The following EYA1 variants were observed in gnomAD, a reference collection of about 807,000 sequenced individuals.
EYA1 encodes protein phosphatase EYA1.
Under a neutral mutation model 82.0 loss-of-function variants are expected in EYA1, and 16 were observed. The ratio of observed to expected loss-of-function variants is 0.20; its 90% CI spans 0.13 to 0.30. The LOEUF is 0.30. Among genes scored for constraint, EYA1 ranks in the 10% least tolerant of loss-of-function variants. The pLI is 1.00. For missense variants in EYA1, 633 were observed against 730.7 expected (o/e 0.87, Z 1.54); for synonymous variants, 261 against 264.4 (o/e 0.99, Z 0.12).
At chr8:71,225,373 C>T (rs1334260351) in intron 12 of EYA1, 2 of 455,418 alleles carry the variant, frequency 4.4e-6, no homozygotes, top group African/African-American at 4.0e-5. Context: ...ACCCTGTCAT[C>T]TCTGTCTAGG....
chr8:71,254,243 CA>C (rs56047377), intron 11 of EYA1, among the ~76,000 whole-genome samples: 13,819 of 52,960 alleles, frequency 0.26, 392 homozygotes, highest in African/African-American at 0.3. Context: ...AAGTCTTGGC[CA>C]AAAAAAAAAA....
intron 2 of EYA1, among the ~76,000 whole-genome samples, chr8:71,452,448 T>C (rs1807468834): frequency 6.6e-6 from 1 of 152,288 alleles, no homozygotes; most frequent in African/African-American, 2.4e-5. Context: ...GAGTTTGAGA[T>C]CTGAGAATGG....
chr8:71,271,796 T>A lies in EYA1; in HGVS notation c.928A>T (p.Asn310Tyr). 2 of 1,614,192 alleles carry A rather than the reference T, an allele frequency of 1.2e-6. No homozygotes were observed. The highest frequency in any genetic ancestry group is 1.7e-6 in the Non-Finnish European group (2 of 1,180,032). ...DGKSRGRGRR[N>Y]NNPSPPPDSD... ...TCTGGGGGAGGTGAAGGATTATTGT[T>A]TCTTCGGCCCCGTCCACGTGATTTC... is the stretch of plus-strand genomic sequence containing the variant. The change falls in exon 10 of 18, where the codon AAC becomes TAC. Residue 310 changes from asparagine (N) to tyrosine (Y), a missense_variant. Asn to Tyr is a moderately radical substitution (Grantham distance 143). Transcript: ENST00000340726.
intron 2 of EYA1, among the ~76,000 whole-genome samples, chr8:71,421,545 A>G (rs1008432378): frequency 1.3e-5 from 2 of 152,186 alleles, no homozygotes; most frequent in African/African-American, 4.8e-5. Context: ...TTCAAAACTT[A>G]CATCTGTCAC....
At chr8:71,492,236 G>A (rs191227895) in intron 2 of EYA1, among the ~76,000 whole-genome samples, 9 of 152,306 alleles carry the variant, frequency 5.9e-5, no homozygotes, top group African/African-American at 2.2e-4. Flanking sequence ...GGAGTGGCGC[G>A]TCTGAAGGGC....
intron 9 of EYA1, among the ~76,000 whole-genome samples, chr8:71,292,039 A>T (rs994893106): frequency 6.6e-6 from 1 of 152,286 alleles, no homozygotes; most frequent in East Asian, 1.9e-4. Context: ...GATTATACAC[A>T]TGAATCATAT....
chr8:71,223,284 C>G (rs1307134466), intron 12 of EYA1, among the ~76,000 whole-genome samples: 1 of 152,136 alleles, frequency 6.6e-6, no homozygotes, highest in Admixed American at 6.5e-5. Context: ...CGGTGTTGTG[C>G]CCACAGTTAC....
At chr8:71,342,823 G>T (rs1028324745) in intron 3 of EYA1, among the ~76,000 whole-genome samples, 3 of 152,122 alleles carry the variant, frequency 2.0e-5, no homozygotes, top group Non-Finnish European at 4.4e-5. Context: ...AATTTATTTG[G>T]TATATTACCT....
rs181161161 is a variant in EYA1 at position 71,454,037 on chromosome 8, A to C, written c.33+81707T>G. Among the ~76,000 whole-genome samples, 250 of 152,328 alleles carry C rather than the reference A, an allele frequency of 1.6e-3. 2 individuals are homozygous for C. The highest frequency in any genetic ancestry group is 5.8e-3 in the African/African-American group (240 of 41,574). ...TATTCAGGAAACCCATCTCACATGC[A>C]GAGACACACATAGGCTCAAAATAAA... On this transcript the variant is annotated intron_variant, in intron 2 of 18. Coordinates refer to the EYA1 transcript ENST00000643681.
chr8:71,298,901 C>A, intron 9 of EYA1, 146 bp downstream of exon 9: 1 of 684,274 alleles, frequency 1.5e-6, no homozygotes, highest in Non-Finnish European at 2.6e-6. Context: ...AAAATGAATG[C>A]CACAGTCATG....
chr8:71,460,408 G>C (rs940072394), intron 2 of EYA1, among the ~76,000 whole-genome samples: 10 of 152,174 alleles, frequency 6.6e-5, no homozygotes, highest in African/African-American at 2.2e-4. Context: ...ATACTATAAA[G>C]GAGAAGAGAG....
intron 7 of EYA1, among the ~76,000 whole-genome samples, chr8:71,313,284 C>CT (rs1821555451): frequency 6.6e-6 from 1 of 152,036 alleles, no homozygotes; most frequent in Non-Finnish European, 1.5e-5. Context: ...CATCTGGCTC[C>CT]TTTTTTGCTA....
intron 2 of EYA1, among the ~76,000 whole-genome samples, chr8:71,528,889 C>T (rs1814028490): frequency 6.6e-6 from 1 of 152,180 alleles, no homozygotes; most frequent in African/African-American, 2.4e-5. Flanking sequence ...AAGTACAGAG[C>T]TAAGGCTCAA....
intron 2 of EYA1, among the ~76,000 whole-genome samples, chr8:71,507,392 T>C (rs1812270231): frequency 6.6e-6 from 1 of 152,210 alleles, no homozygotes; most frequent in Non-Finnish European, 1.5e-5. Flanking sequence ...CCTCTCATAC[T>C]GACAAAATTT....
chr8:71,297,670 T>G (rs773268681), intron 9 of EYA1, among the ~76,000 whole-genome samples: 2 of 152,182 alleles, frequency 1.3e-5, no homozygotes, highest in Non-Finnish European at 2.9e-5. Context: ...GATGCCTATA[T>G]GAAGTTTATG....
intron 2 of EYA1, among the ~76,000 whole-genome samples, chr8:71,421,320 A>G (rs1028555941): frequency 1.3e-5 from 2 of 152,180 alleles, no homozygotes; most frequent in Non-Finnish European, 2.9e-5. Flanking sequence ...AACTATGGAG[A>G]TGAAAGGACA....
intron 7 of EYA1, among the ~76,000 whole-genome samples, chr8:71,305,862 A>G (rs548472160): frequency 1.1e-4 from 16 of 152,256 alleles, no homozygotes; most frequent in Non-Finnish European, 1.8e-4. Context: ...GGAAGATACT[A>G]TATCTCTAAT....
intron 4 of EYA1, among the ~76,000 whole-genome samples, chr8:71,327,927 C>T (rs190018105): frequency 6.8e-4 from 101 of 147,654 alleles, no homozygotes; most frequent in African/African-American, 2.5e-3. Flanking sequence ...TGCATCTCAG[C>T]TCACTGCAAC....
chr8:71,317,902 C>A (rs926697971), intron 6 of EYA1, among the ~76,000 whole-genome samples: 1 of 152,116 alleles, frequency 6.6e-6, no homozygotes, highest in Non-Finnish European at 1.5e-5. Context: ...TCACATTATT[C>A]TCTCTTGTTT....
Sources: gnomAD v4.1 joint callset for allele counts (sites outside exome capture counted in the v4.1 genomes callset) on GRCh38, gnomAD v4.1.1 for gene constraint, MANE v1.5 for transcripts, NCBI Gene and HGNC (gene_info 2026-07-23, HGNC 2026-07-21) for gene names.